The following BTF3L4 variants were observed in gnomAD, a reference collection of about 807,000 sequenced individuals.
BTF3L4 encodes transcription factor BTF3 homolog 4.
BTF3L4 carries 6 observed loss-of-function variants against 16.8 expected under a neutral mutation model. The observed-to-expected ratio is 0.36, with a 90% confidence interval of 0.20 to 0.71. BTF3L4 has a LOEUF of 0.71. Among genes scored for constraint, BTF3L4 ranks in the 30% least tolerant of loss-of-function variants. The pLI is 0.58. For synonymous variants in BTF3L4, 39 were observed against 59.8 expected (o/e 0.65, Z 1.60); for missense variants, 92 against 186.9 (o/e 0.49, Z 2.96).
At chr1:52,076,083 G>A (rs1034783540) in intron 3 of BTF3L4, among the ~76,000 whole-genome samples, 5 of 152,152 alleles carry the variant, frequency 3.3e-5, no homozygotes, top group African/African-American at 1.2e-4. Flanking sequence ...ACTACCTGCA[G>A]CATATATAAA....
At position 52,059,792 on chromosome 1, in the gene BTF3L4, C is replaced by T. The variant is rs946820452; in HGVS notation, c.-13-43C>T. The T allele has an allele frequency of 6.5e-5, 103 of 1,582,912 alleles. No homozygotes were observed. The Middle Eastern group carries it at 8.3e-4, about 13-fold the overall frequency. ...TGTTGCATAAACAGTTTGTTAATTT[C>T]GGCAAAAGAGTGACTTTAACAAATC... is the stretch of plus-strand genomic sequence containing the variant. On this transcript the variant is annotated intron_variant, in intron 1 of 5. Coordinates refer to ENST00000313334, the MANE Select transcript of BTF3L4 (RefSeq NM_152265.5).
In BTF3L4 at chr1:52,090,114, C is replaced by T. The variant is rs900975062; in HGVS notation, c.*3356C>T. 3 of 152,140 alleles carry T rather than the reference C, an allele frequency of 2.0e-5. No homozygotes were observed. The highest frequency in any genetic ancestry group is 4.8e-5 in the African/African-American group (2 of 41,426). 9.4% of individuals were successfully genotyped at this position (152,140 alleles called of 1,614,324 possible). Reference sequence around the variant, plus strand: ...ACAGGGCTGCTGCGGTGCACAACTTCGGGAGCCATCACTTATTTTTGTTGT... The same window carrying T: ...ACAGGGCTGCTGCGGTGCACAACTTTGGGAGCCATCACTTATTTTTGTTGT... On this transcript the variant is annotated 3_prime_UTR_variant, in exon 6 of 6. Transcript: ENST00000313334.
At position 52,089,357 on chromosome 1, in the gene BTF3L4, A is replaced by G. The variant is rs1284074313; in HGVS notation, c.*2599A>G. On this transcript the variant is annotated 3_prime_UTR_variant, in exon 6 of 6. Transcript: ENST00000313334. ...ATTCTTTTTTGTTCTATATTTTTGT[A>G]TCTTCCCCTTTCCTGAACAAAGCAT... 6.6e-6 allele frequency: 1 copy of G among 151,866 alleles called. No homozygotes were observed. The highest frequency in any genetic ancestry group is 2.4e-5 in the African/African-American group (1 of 41,336). 9.4% of individuals were successfully genotyped at this position (151,866 alleles called of 1,614,324 possible).
At chr1:52,071,240 A>G (rs770728404) in intron 3 of BTF3L4, 5 of 152,202 alleles carry the variant, frequency 3.3e-5, no homozygotes, top group Non-Finnish European at 7.3e-5. Context: ...AAGTTGCTTC[A>G]TAGAGTTTTA....
intron 3 of BTF3L4, among the ~76,000 whole-genome samples, chr1:52,077,466 C>T (rs188672277): frequency 2.0e-4 from 30 of 152,212 alleles, no homozygotes; most frequent in African/African-American, 6.7e-4. Context: ...CACTTGAACT[C>T]GGGAAGCAGA....
intron 2 of BTF3L4, 64 bp downstream of exon 2, chr1:52,059,965 G>A (rs10493163): frequency 0.015 from 20,965 of 1,439,518 alleles, 545 homozygotes; most frequent in African/African-American, 0.12. Flanking sequence ...TTATTATTTC[G>A]GATTTGTGGT....
rs981300979 is a variant in BTF3L4, at chr1:52,087,369, T to C, written c.*611T>C. 4 of 152,300 alleles carry C rather than the reference T, an allele frequency of 2.6e-5. No homozygotes were observed. The highest frequency in any genetic ancestry group is 7.2e-5 in the African/African-American group (3 of 41,468). 9.4% of individuals were successfully genotyped at this position (152,300 alleles called of 1,614,324 possible). A position where few individuals can be genotyped will look rare whatever the true frequency, so the allele number is the denominator to read the frequency against. ...AGTAATGGGTAACATATCTTTGGTA[T>C]GGTTGCCTTAGATTAACTTACCTAG... On this transcript the variant is annotated 3_prime_UTR_variant, in exon 6 of 6. Transcript: ENST00000313334.
chr1:52,067,144 G>A (rs1686671522), intron 3 of BTF3L4, among the ~76,000 whole-genome samples: 2 of 152,178 alleles, frequency 1.3e-5, no homozygotes, highest in African/African-American at 4.8e-5. Context: ...GCTGAGGCAG[G>A]AGAATGGCTT....
chr1:52,062,744 C>T lies in BTF3L4; in HGVS notation c.55-2081C>T, dbSNP rs145169629. On this transcript the variant is annotated intron_variant, in intron 2 of 5. Coordinates refer to ENST00000313334, the MANE Select transcript of BTF3L4 (RefSeq NM_152265.5). Reference sequence around the variant, plus strand: ...TTGGCCTATAGGCGAACAATTGAGACGCTATTGCTAGAGTCTAAGGCAGCA... The same window carrying T: ...TTGGCCTATAGGCGAACAATTGAGATGCTATTGCTAGAGTCTAAGGCAGCA... Among the ~76,000 whole-genome samples, 279 of 152,252 alleles carry T rather than the reference C, an allele frequency of 1.8e-3. 1 individual carries two copies. In the Middle Eastern group the frequency reaches 0.02, roughly 11 times the overall value.
intron 3 of BTF3L4, among the ~76,000 whole-genome samples, chr1:52,069,140 C>G (rs1311664899): frequency 2.6e-5 from 4 of 152,136 alleles, no homozygotes; most frequent in Non-Finnish European, 5.9e-5. Context: ...TCTTCTAACC[C>G]TCACAGGATA....
chr1:52,075,624 ATATTT>A (rs1184237535), intron 3 of BTF3L4, among the ~76,000 whole-genome samples: 2 of 147,662 alleles, frequency 1.4e-5, no homozygotes, highest in African/African-American at 4.9e-5. Context: ...ATGTAAATAA[ATATTT>A]TATATATTTG....
chr1:52,077,738 A>G (rs995840125), intron 3 of BTF3L4, among the ~76,000 whole-genome samples: 17 of 152,186 alleles, frequency 1.1e-4, no homozygotes, highest in African/African-American at 4.1e-4. Context: ...CAGTATAGGA[A>G]CAAAGTGAGC....
In BTF3L4 at chr1:52,086,015, C is replaced by T. The variant is rs971258288; in HGVS notation, c.371-97C>T. The T allele has an allele frequency of 2.1e-5, 15 of 706,866 alleles. No homozygotes were observed. The East Asian group carries it at 3.6e-4, about 17-fold the overall frequency. The allele number at this position is 706,866 out of a possible 1,614,324, so 43.8% of individuals were successfully genotyped here. A position where few individuals can be genotyped will look rare whatever the true frequency, so the allele number is the denominator to read the frequency against. ...ACAATATTTAGCTATTTCTGAGCAA[C>T]TCTGTGTGATTTATACAGGAAAAAA... On this transcript the variant is annotated intron_variant, in intron 4 of 5. Transcript: ENST00000313334.
chr1:52,079,180 AT>A (rs1243241663), intron 3 of BTF3L4, among the ~76,000 whole-genome samples: 1 of 152,166 alleles, frequency 6.6e-6, no homozygotes, highest in Non-Finnish European at 1.5e-5. Context: ...GAAGCTTTAT[AT>A]AACCATGTCA....
At chr1:52,067,677 C>A (rs573518026) in intron 3 of BTF3L4, among the ~76,000 whole-genome samples, 1 of 152,214 alleles carries the variant, frequency 6.6e-6, no homozygotes, top group African/African-American at 2.4e-5. Context: ...TGCAATAATA[C>A]ACATGAATTC....
At chr1:52,075,727 G>A (rs920751676) in intron 3 of BTF3L4, among the ~76,000 whole-genome samples, 1 of 151,516 alleles carries the variant, frequency 6.6e-6, no homozygotes, top group Non-Finnish European at 1.5e-5. Context: ...GCGGTGGCGC[G>A]ATCTTGGCTA....
intron 3 of BTF3L4, among the ~76,000 whole-genome samples, chr1:52,073,109 C>T (rs903460893): frequency 3.9e-5 from 6 of 151,926 alleles, no homozygotes; most frequent in African/African-American, 7.3e-5. Context: ...GTAATCCCAG[C>T]TACTCAGGAG....
rs889491924 is a variant in BTF3L4 at position 52,064,718 on chromosome 1, T to C, written c.55-107T>C. ...TATAACATTAATCATTATTATTTTG[T>C]CCATTTTTTAATGTGGGTTTTAGAT... is the stretch of plus-strand genomic sequence containing the variant. On this transcript the variant is annotated intron_variant, in intron 2 of 5. Transcript: ENST00000313334. The C allele has an allele frequency of 6.7e-6, 4 of 595,802 alleles. No homozygotes were observed. The African/African-American group carries it at 7.6e-5, about 11-fold the overall frequency. The allele number at this position is 595,802 out of a possible 1,614,324, so 36.9% of individuals were successfully genotyped here.
At chr1:52,086,323 G>GT in intron 5 of BTF3L4, 152 bp downstream of exon 5, 1 of 537,788 alleles carries the variant, frequency 1.9e-6, no homozygotes, top group Non-Finnish European at 3.2e-6. Context: ...GAAAAACAAC[G>GT]TAAGCACCCA....
Sources: gnomAD v4.1 joint callset for allele counts (sites outside exome capture counted in the v4.1 genomes callset) on GRCh38, gnomAD v4.1.1 for gene constraint, MANE v1.5 for transcripts, NCBI Gene and HGNC (gene_info 2026-07-23, HGNC 2026-07-21) for gene names.